The following OTULINL variants were observed in gnomAD, a reference collection of about 807,000 sequenced individuals.
OTULINL encodes the protein OTU deubiquitinase with linear linkage specificity like.
OTULINL carries 42 observed loss-of-function variants against 43.9 expected under a neutral mutation model. That is an observed-to-expected ratio of 0.96 (90% CI 0.75 to 1.24). OTULINL has a LOEUF of 1.24. Ranked by LOEUF, OTULINL falls within the 50% of genes most tolerant of loss-of-function variation. The pLI, the probability that OTULINL is intolerant of heterozygous loss-of-function variation, is 0.00. For missense variants in OTULINL, 411 were observed against 426.4 expected (o/e 0.96, Z 0.32); for synonymous variants, 172 against 153.6 (o/e 1.12, Z -0.88).
intron 5 of OTULINL, among the ~76,000 whole-genome samples, chr5:14,606,875 C>G (rs894492061): frequency 6.6e-6 from 1 of 152,200 alleles, no homozygotes; most frequent in African/African-American, 2.4e-5. Flanking sequence ...AGGCACAAAT[C>G]TAAAAGAAGG....
Position 14,601,317 on chromosome 5 carries a change from G to C in OTULINL, c.257-34G>C, listed in dbSNP as rs73752133. ...GGTTCAAGAAGGGAGAAGAAAGGGA[G>C]AATTAACAGCTTTTTATTTTTTATT... On this transcript the variant is annotated intron_variant, in intron 3 of 7. Transcript: ENST00000274217. 2.0e-3 allele frequency: 3,185 copies of C among 1,611,134 alleles called. 51 individuals are homozygous for C. The African/African-American group carries it at 0.038, about 19-fold the overall frequency.
rs375975576 is a variant in OTULINL at position 14,584,385 on chromosome 5, C to T, written c.64+2427C>T. ...GGGAATAGGAATGCCCAGTGTGGAA[C>T]GGCGCACCCACTCCAGCTATACTTG... On this transcript the variant is annotated intron_variant, in intron 1 of 7. Transcript: ENST00000274217. Among the ~76,000 whole-genome samples the T allele has an allele frequency of 6.7e-4, 102 of 152,282 alleles. 2 individuals carry two copies. Among genetic ancestry groups the T allele is most frequent in the African/African-American group, 2.1e-3 (88 of 41,546 alleles).
chr5:14,582,814 CAAAAAAAAAAA>C (rs57907300), intron 1 of OTULINL, among the ~76,000 whole-genome samples: 9 of 55,028 alleles, frequency 1.6e-4, no homozygotes, highest in African/African-American at 3.2e-4. Context: ...TTGCTCTGTC[CAAAAAAAAAAA>C]AAAAAAAAAA....
chr5:14,585,838 C>T (rs1300045064), intron 1 of OTULINL, among the ~76,000 whole-genome samples: 5 of 152,192 alleles, frequency 3.3e-5, no homozygotes, highest in Admixed American at 6.5e-5. Context: ...GCTTCTGTCA[C>T]GTGAAACAGA....
At position 14,602,524 on chromosome 5, in the gene OTULINL, C is replaced by T. The variant is rs117313832; in HGVS notation, c.498+192C>T. On this transcript the variant is annotated intron_variant, in intron 5 of 7. Transcript: ENST00000274217. ...GATCATGGCTCAATGCAGCCTTGACCTTCTGGGCTCAAGTGATTCTCCTAT... is the reference window on the plus strand; with the variant it reads ...GATCATGGCTCAATGCAGCCTTGACTTTCTGGGCTCAAGTGATTCTCCTAT... 2.1e-3 allele frequency among the ~76,000 whole-genome samples: 321 copies of T among 152,290 alleles called. 8 individuals are homozygous for T. The East Asian group carries it at 0.05, about 24-fold the overall frequency.
intron 1 of OTULINL, among the ~76,000 whole-genome samples, chr5:14,590,072 C>T (rs1263837112): frequency 6.6e-6 from 1 of 151,708 alleles, no homozygotes; most frequent in Non-Finnish European, 1.5e-5. Flanking sequence ...ACAAAACAGA[C>T]ACACAAAACA....
At chr5:14,610,114 GTGACC>G in intron 7 of OTULINL, 22 bp from the exon 8 acceptor site, 1 of 1,601,684 alleles carries the variant, frequency 6.2e-7, no homozygotes, top group South Asian at 1.1e-5. Flanking sequence ...GTGTGTATCT[GTGACC>G]TGTCTTTCAT....
At chr5:14,602,117 A>C in intron 4 of OTULINL, 66 bp from the exon 5 acceptor site, 7 of 1,284,258 alleles carry the variant, frequency 5.5e-6, no homozygotes, top group Non-Finnish European at 6.3e-6. Flanking sequence ...CTGAAAATAC[A>C]GTGAATTCAC....
intron 1 of OTULINL, among the ~76,000 whole-genome samples, chr5:14,583,823 T>G (rs1759059934): frequency 6.6e-6 from 1 of 152,208 alleles, no homozygotes; most frequent in Non-Finnish European, 1.5e-5. Flanking sequence ...ACAACTTTTT[T>G]AGCATTCGAA....
Position 14,616,076 on chromosome 5 carries a change from T to C in OTULINL, c.*5762T>C, listed in dbSNP as rs371085318. Among the ~76,000 whole-genome samples the C allele has an allele frequency of 6.6e-6, 1 of 152,204 alleles. No individual in the cohort carries two copies. The highest frequency in any genetic ancestry group is 1.9e-4 in the East Asian group (1 of 5,198). ...TAGTTTTATAAATACGATAAAAATATAGCACCAAGATTAGATTGTTATAAA... is the reference window on the plus strand; with the variant it reads ...TAGTTTTATAAATACGATAAAAATACAGCACCAAGATTAGATTGTTATAAA... On this transcript the variant is annotated 3_prime_UTR_variant, in exon 8 of 8. Coordinates refer to ENST00000274217, the MANE Select transcript of OTULINL (RefSeq NM_019018.3).
rs369382297 is a variant in OTULINL at position 14,591,197 on chromosome 5, A to G, written c.64+9239A>G. Among the ~76,000 whole-genome samples, 13 of 152,324 alleles carry G rather than the reference A, an allele frequency of 8.5e-5. No homozygotes were observed. In the East Asian group the frequency reaches 1.2e-3, roughly 14 times the overall value. Reference sequence around the variant, plus strand: ...CAGTAATGAAATCTAGCAGAGATAAATGTCAGGTCCTGCCTGGGTCTAAAG... The same window carrying G: ...CAGTAATGAAATCTAGCAGAGATAAGTGTCAGGTCCTGCCTGGGTCTAAAG... On this transcript the variant is annotated intron_variant, in intron 1 of 7. Transcript: ENST00000274217.
At position 14,610,962 on chromosome 5, in the gene OTULINL, CTT is replaced by C. The variant is rs1759571384; in HGVS notation, c.*650_*651del. The stretch of plus-strand genomic sequence containing the variant: ...ATAGTGTACAGTTTGTTTTATATCT[CTT>C]TACTTTTTTTGTTACTATTTTATCT... On this transcript the variant is annotated 3_prime_UTR_variant, in exon 8 of 8. Transcript: ENST00000274217. The C allele has an allele frequency of 1.3e-5, 2 of 152,058 alleles. No individual in the cohort carries two copies. Among genetic ancestry groups the C allele is most frequent in the South Asian group, 2.1e-4 (1 of 4,822 alleles). The allele number at this position is 152,058 out of a possible 1,614,324, so 9.4% of individuals were successfully genotyped here.
At position 14,607,288 on chromosome 5, in the gene OTULINL, G is replaced by A. The variant is rs181512686; in HGVS notation, c.499-42G>A. On this transcript the variant is annotated intron_variant, in intron 5 of 7. Transcript: ENST00000274217. Reference sequence around the variant, plus strand: ...ATACAGCAAATTGTGTGTAATAAACGTTCATATGCTAATCATAGTTGGCAT... The same window carrying A: ...ATACAGCAAATTGTGTGTAATAAACATTCATATGCTAATCATAGTTGGCAT... 2.9e-4 allele frequency: 463 copies of A among 1,602,670 alleles called. 6 individuals are homozygous for A. The East Asian group carries it at 9.1e-3, about 32-fold the overall frequency.
intron 5 of OTULINL, among the ~76,000 whole-genome samples, chr5:14,604,467 C>T (rs1759439481): frequency 6.6e-6 from 1 of 152,204 alleles, no homozygotes; most frequent in Admixed American, 6.5e-5. Flanking sequence ...TCCCAGCAGT[C>T]CCCCAAAGTC....
At chr5:14,609,750 C>G (rs1309668398) in intron 7 of OTULINL, among the ~76,000 whole-genome samples, 1 of 151,884 alleles carries the variant, frequency 6.6e-6, no homozygotes, top group African/African-American at 2.4e-5. Context: ...CCTGCCTCAG[C>G]CTCCCGAGTA....
At position 14,608,919 on chromosome 5, in the gene OTULINL, C is replaced by T; in HGVS notation, c.799C>T (p.Leu267Phe). 6.2e-7 allele frequency: 1 copy of T among 1,614,142 alleles called. No individual in the cohort carries two copies. The highest frequency in any genetic ancestry group is 8.5e-7 in the Non-Finnish European group (1 of 1,180,006). ...QMKTKKVIPS[L>F]FRLLFSRETS... ...GAAGACTAAAAAGGTCATTCCCAGT[C>T]TTTTTAGACTCCTGTTTTCCAGGGA... The change falls in exon 7 of 8, where the codon CTT becomes TTT. Residue 267 changes from leucine (L) to phenylalanine (F), a missense_variant. Transcript: ENST00000274217.
At position 14,602,177 on chromosome 5, in the gene OTULINL, T is replaced by C. The variant is rs897038543; in HGVS notation, c.349-6T>C. The C allele has an allele frequency of 1.3e-6, 2 of 1,564,042 alleles. No individual in the cohort carries two copies. The highest frequency in any genetic ancestry group is 2.0e-5 in the Admixed American group (1 of 50,758). On this transcript the variant is annotated splice_region_variant and splice_polypyrimidine_tract_variant and intron_variant, in intron 4 of 7. Transcript: ENST00000274217. ...AATAAACAACTTTCTCTTTTTATTT[T>C]ATTAGGCTTATGAGGAGCTATTTTG...
chr5:14,591,922 T>A (rs1759210756), intron 1 of OTULINL, among the ~76,000 whole-genome samples: 1 of 152,100 alleles, frequency 6.6e-6, no homozygotes, highest in Non-Finnish European at 1.5e-5. Context: ...AGAATACCAC[T>A]TCCTGACATG....
intron 1 of OTULINL, among the ~76,000 whole-genome samples, chr5:14,584,861 C>A (rs1759077919): frequency 6.6e-6 from 1 of 152,134 alleles, no homozygotes; most frequent in Non-Finnish European, 1.5e-5. Flanking sequence ...TGTTTCTGAG[C>A]CACCATAAGC....
Sources: allele counts gnomAD v4.1 joint callset (sites outside exome capture counted in the v4.1 genomes callset), GRCh38; gene constraint gnomAD v4.1.1; transcripts MANE v1.5; gene names NCBI Gene and HGNC (gene_info 2026-07-23, HGNC 2026-07-21).